SEMA6D: variants seen among roughly 807,000 people sequenced by gnomAD.
SEMA6D encodes the protein semaphorin 6D.
In SEMA6D, 35 loss-of-function variants were observed where a neutral mutation model predicts 106.6. The ratio of observed to expected loss-of-function variants is 0.33; its 90% CI spans 0.25 to 0.44. The LOEUF (loss-of-function observed/expected upper bound fraction) is 0.44, where lower values mean the gene tolerates loss of function less well. Among genes scored for constraint, SEMA6D ranks in the 20% least tolerant of loss-of-function variants. The probability of loss-of-function intolerance (pLI) is 1.00; values close to 1 mark genes in which losing one functional copy is unlikely to be tolerated. For synonymous variants in SEMA6D, 499 were observed against 487.7 expected (o/e 1.02, Z -0.31); for missense variants, 1,185 against 1,345.9 (o/e 0.88, Z 1.87).
intron 1 of SEMA6D, among the ~76,000 whole-genome samples, chr15:47,748,288 G>T (rs1207605488): frequency 6.6e-6 from 1 of 152,142 alleles, no homozygotes; most frequent in African/African-American, 2.4e-5. Flanking sequence ...TTTTGATGTG[G>T]CCTGTGTGCC....
Position 47,672,345 on chromosome 15 carries a change from G to A in SEMA6D, c.-55+71449G>A, listed in dbSNP as rs1277663496. Among the ~76,000 whole-genome samples the A allele has an allele frequency of 2.0e-5, 3 of 152,118 alleles. No homozygotes were observed. In the East Asian group the frequency reaches 5.8e-4, roughly 29 times the overall value. ...ATCCCCATTTTCCCTATCGGAAACAGATTCATAGAAAGTGAGGTATTTGCC... is the reference window on the plus strand; with the variant it reads ...ATCCCCATTTTCCCTATCGGAAACAAATTCATAGAAAGTGAGGTATTTGCC... On this transcript the variant is annotated intron_variant, in intron 4 of 19. Coordinates refer to the SEMA6D transcript ENST00000558014.
intron 3 of SEMA6D, among the ~76,000 whole-genome samples, chr15:47,503,520 CAG>C (rs1209266886): frequency 6.6e-5 from 10 of 152,190 alleles, no homozygotes; most frequent in Non-Finnish European, 1.2e-4. Context: ...GTAAGTAATA[CAG>C]AGTGTGAAGA....
At chr15:47,518,349 T>C (rs1373600912) in intron 3 of SEMA6D, among the ~76,000 whole-genome samples, 1 of 152,170 alleles carries the variant, frequency 6.6e-6, no homozygotes. Context: ...TAAAGGATCA[T>C]GAGGGTGGGA....
intron 4 of SEMA6D, among the ~76,000 whole-genome samples, chr15:47,690,285 G>C (rs577296061): frequency 6.6e-6 from 1 of 152,134 alleles, no homozygotes; most frequent in African/African-American, 2.4e-5. Flanking sequence ...ATTTTTCCTG[G>C]TCTATTTCAG....
chr15:47,515,266 C>A (rs892344007), intron 3 of SEMA6D, among the ~76,000 whole-genome samples: 2 of 152,172 alleles, frequency 1.3e-5, no homozygotes, highest in Non-Finnish European at 2.9e-5. Context: ...TGTTAACTAC[C>A]TCTTGCTCCA....
At chr15:47,700,421 A>G (rs1374670572) in intron 4 of SEMA6D, among the ~76,000 whole-genome samples, 1 of 152,090 alleles carries the variant, frequency 6.6e-6, no homozygotes, top group African/African-American at 2.4e-5. Flanking sequence ...CTGTAGTCCT[A>G]GTTACTCAGA....
At chr15:47,410,091 C>T (rs28507614) in intron 1 of SEMA6D, among the ~76,000 whole-genome samples, 8 of 152,112 alleles carry the variant, frequency 5.3e-5, no homozygotes. Context: ...CCTCTGACCT[C>T]AGCCTCCTGA....
intron 3 of SEMA6D, among the ~76,000 whole-genome samples, chr15:47,488,670 G>T (rs2043371445): frequency 6.6e-6 from 1 of 152,172 alleles, no homozygotes; most frequent in African/African-American, 2.4e-5. Flanking sequence ...GAGTTAGCTA[G>T]AGGAGGAGTG....
At chr15:47,399,430 A>T (rs1309548134) in intron 1 of SEMA6D, 1 of 152,244 alleles carries the variant, frequency 6.6e-6, no homozygotes, top group Admixed American at 6.5e-5. Context: ...ATAAGTGTAC[A>T]TCCACCGTCT....
At chr15:47,463,977 C>G (rs1245965953) in intron 2 of SEMA6D, among the ~76,000 whole-genome samples, 2 of 152,182 alleles carry the variant, frequency 1.3e-5, no homozygotes, top group Non-Finnish European at 2.9e-5. Context: ...CAGACTCCCT[C>G]TGCCTCTCTC....
intron 4 of SEMA6D, among the ~76,000 whole-genome samples, chr15:47,682,536 A>G (rs1005449393): frequency 1.3e-5 from 2 of 152,140 alleles, no homozygotes; most frequent in Non-Finnish European, 2.9e-5. Flanking sequence ...TTCAAATCAC[A>G]ACTGAAAATA....
At chr15:47,650,888 C>T (rs1312438516) in intron 4 of SEMA6D, among the ~76,000 whole-genome samples, 2 of 152,166 alleles carry the variant, frequency 1.3e-5, no homozygotes, top group Non-Finnish European at 2.9e-5. Flanking sequence ...TAAAAATTAT[C>T]TGGAAGTCAG....
At position 47,764,214 on chromosome 15, in the gene SEMA6D, A is replaced by G. The variant is rs758246568; in HGVS notation, c.1006A>G (p.Ile336Val). The part of the protein sequence containing the change: ...SAVCAFSMDD[I>V]EKVFKGRFKE... Reference sequence around the variant, plus strand: ...TGTCTGTGCATTTAGCATGGATGACATTGAAAAAGTATTCAAAGGACGGTT... The same window carrying G: ...TGTCTGTGCATTTAGCATGGATGACGTTGAAAAAGTATTCAAAGGACGGTT... Residue 336 changes from isoleucine (I) to valine (V), a missense_variant, in exon 11 of 19, where the codon ATT becomes GTT. Ile to Val is a conservative substitution (Grantham distance 29, BLOSUM62 3). This residue lies in a region of SEMA6D where 291 missense variants were observed against 423.8 expected (regional missense o/e 0.69). Transcript: ENST00000536845. 1.2e-6 allele frequency: 2 copies of G among 1,613,836 alleles called. No homozygotes were observed. The highest frequency in any genetic ancestry group is 2.2e-5 in the South Asian group (2 of 91,060).
In SEMA6D at chr15:47,759,900, C is replaced by T; in HGVS notation, c.102C>T (p.Asp34=). 2 of 1,608,366 alleles carry T rather than the reference C, an allele frequency of 1.2e-6. No individual in the cohort carries two copies. Among genetic ancestry groups the T allele is most frequent in the East Asian group, 4.5e-5 (2 of 44,852 alleles). The part of the protein sequence containing the change: ...PEDDEPLNTV[D]YHYSRQYPVF... ...ATGATGAACCCCTTAATACTGTCGA[C>T]TATCACTGTAAGTCGTCTCAAGAAC... The change falls in exon 2 of 19, where the codon GAC becomes GAT. Residue 34 remains aspartate (D), a synonymous_variant. Coordinates refer to ENST00000536845, the MANE Select transcript of SEMA6D (RefSeq NM_001358351.3).
intron 1 of SEMA6D, among the ~76,000 whole-genome samples, chr15:47,237,389 G>A (rs1294621574): frequency 6.6e-6 from 1 of 152,072 alleles, no homozygotes; most frequent in Admixed American, 6.6e-5. Context: ...GTTCTATTTT[G>A]CCACGTTGGA....
chr15:47,495,366 CTGAT>C (rs1291808369), intron 3 of SEMA6D, among the ~76,000 whole-genome samples: 1 of 151,900 alleles, frequency 6.6e-6, no homozygotes, highest in African/African-American at 2.4e-5. Context: ...ACTCATGGAG[CTGAT>C]TCAACTTTGT....
rs1001801708 is a variant in SEMA6D at position 47,333,043 on chromosome 15, T to G, written c.-238-79350T>G. ...CTAAGATAATTAGATAATAGTAAGA[T>G]AAGAACTTGTTACATGGAAGCTGTC... On this transcript the variant is annotated intron_variant, in intron 1 of 19. Coordinates refer to the SEMA6D transcript ENST00000558014. 1.2e-4 allele frequency among the ~76,000 whole-genome samples: 18 copies of G among 152,310 alleles called. No homozygotes were observed. In the East Asian group the frequency reaches 3.5e-3, roughly 29 times the overall value.
intron 1 of SEMA6D, chr15:47,380,602 A>G (rs1324952816): frequency 6.6e-6 from 1 of 152,234 alleles, no homozygotes; most frequent in Non-Finnish European, 1.5e-5. Context: ...AATGCTGTAA[A>G]TAAAATAGCC....
chr15:47,601,292 G>GC (rs1389300507), intron 4 of SEMA6D, among the ~76,000 whole-genome samples: 1 of 152,090 alleles, frequency 6.6e-6, no homozygotes, highest in Non-Finnish European at 1.5e-5. Flanking sequence ...AAAGCAAAGT[G>GC]CCCCCAGCAC....
Sources: gnomAD v4.1 joint callset for allele counts (sites outside exome capture counted in the v4.1 genomes callset) on GRCh38, gnomAD v4.1.1 for gene constraint, gnomAD v4.1.1 regional missense constraint, MANE v1.5 for transcripts, NCBI Gene and HGNC (gene_info 2026-07-23, HGNC 2026-07-21) for gene names.